The following SRGAP2 variants were observed in gnomAD, a reference collection of about 807,000 sequenced individuals.
SRGAP2 encodes the protein SLIT-ROBO Rho GTPase activating protein 2.
A neutral mutation model predicts 57.2 loss-of-function variants in SRGAP2; 15 were observed. That is an observed-to-expected ratio of 0.26 (90% CI 0.18 to 0.40). The LOEUF (loss-of-function observed/expected upper bound fraction) is 0.40, where lower values mean the gene tolerates loss of function less well. SRGAP2 is among the 10% of genes least tolerant of loss of function. The probability of loss-of-function intolerance (pLI) is 1.00; values close to 1 mark genes in which losing one functional copy is unlikely to be tolerated. For synonymous variants in SRGAP2, 249 were observed against 248.0 expected (o/e 1.00, Z -0.04); for missense variants, 520 against 669.6 (o/e 0.78, Z 2.47).
At chr1:206,277,879 T>C (rs1421553296) in intron 2 of SRGAP2, among the ~76,000 whole-genome samples, 7 of 151,992 alleles carry the variant, frequency 4.6e-5, no homozygotes, top group Admixed American at 4.6e-4. Context: ...CTTGGGAAGC[T>C]GAGGCATGAG....
chr1:206,457,521 T>C (rs570718059), intron 21 of SRGAP2, among the ~76,000 whole-genome samples: 5 of 152,316 alleles, frequency 3.3e-5, no homozygotes, highest in Admixed American at 2.6e-4. Context: ...GGGGTTCATT[T>C]CAGCAGGGCC....
intron 3 of SRGAP2, among the ~76,000 whole-genome samples, chr1:206,320,646 A>G (rs1401328801): frequency 6.6e-6 from 1 of 150,822 alleles, no homozygotes; most frequent in Non-Finnish European, 1.5e-5. Flanking sequence ...GATGGGAGAA[A>G]TGATTTCATT....
At chr1:206,429,004 A>T (rs1222324855) in intron 13 of SRGAP2, among the ~76,000 whole-genome samples, 1 of 152,202 alleles carries the variant, frequency 6.6e-6, no homozygotes, top group African/African-American at 2.4e-5. Context: ...TAGGATTGTT[A>T]CCAGCACTAG....
chr1:206,446,352 A>C, intron 18 of SRGAP2, 53 bp downstream of exon 18: 1 of 771,664 alleles, frequency 1.3e-6, no homozygotes, highest in Admixed American at 1.7e-5. Context: ...ACACACTGGC[A>C]TGGGAGCCAG....
At chr1:206,389,213 T>G (rs1286464356) in intron 5 of SRGAP2, among the ~76,000 whole-genome samples, 1 of 132,812 alleles carries the variant, frequency 7.5e-6, no homozygotes, top group Admixed American at 7.7e-5. Flanking sequence ...CTTGCTCTGT[T>G]GCCCAGGCTG....
At chr1:206,239,059 A>G (rs1293693977) in intron 2 of SRGAP2, among the ~76,000 whole-genome samples, 1 of 152,052 alleles carries the variant, frequency 6.6e-6, no homozygotes, top group Non-Finnish European at 1.5e-5. Context: ...TGAATTTAAG[A>G]GAAGGCTATG....
intron 13 of SRGAP2, among the ~76,000 whole-genome samples, chr1:206,429,204 G>T (rs1553367418): frequency 6.6e-6 from 1 of 152,190 alleles, no homozygotes. Context: ...CAAAACAACA[G>T]AGCAAAGATT....
chr1:206,438,950 C>T (rs1195313731), intron 16 of SRGAP2, among the ~76,000 whole-genome samples: 1 of 152,128 alleles, frequency 6.6e-6, no homozygotes, highest in Non-Finnish European at 1.5e-5. Context: ...GAAGCTGGCT[C>T]TCTGGTTTGT....
At chr1:206,205,257 G>A (rs1482475323) in intron 1 of SRGAP2, 172 bp from the exon 2 acceptor site, 10 of 148,450 alleles carry the variant, frequency 6.7e-5, no homozygotes, top group Non-Finnish European at 1.3e-4. Flanking sequence ...AAATCCGGAG[G>A]GAGCTTCCTT....
rs192038466 is a variant in SRGAP2, at chr1:206,245,070, G to T, written c.67+39033G>T. 3.7e-3 allele frequency among the ~76,000 whole-genome samples: 503 copies of T among 136,002 alleles called. 16 individuals are homozygous for T. Among genetic ancestry groups the T allele is most frequent in the African/African-American group, 0.013 (478 of 36,904 alleles). The allele number at this position is 136,002 out of a possible 152,430, so 89.2% of individuals were successfully genotyped here. On this transcript the variant is annotated intron_variant, in intron 2 of 22. Transcript: ENST00000573034. The stretch of plus-strand genomic sequence containing the variant: ...CCTTAGATGAGATACATGGCAGTTA[G>T]CTATCTTCACCTGATGGGGAGGAAT...
intron 2 of SRGAP2, among the ~76,000 whole-genome samples, chr1:206,266,245 CT>C (rs1212555147): frequency 1.9e-4 from 27 of 141,990 alleles, no homozygotes; most frequent in Admixed American, 2.8e-4. Context: ...CTCTATGTTT[CT>C]TTTTTTTTTT....
intron 2 of SRGAP2, among the ~76,000 whole-genome samples, chr1:206,214,297 CA>C (rs1232357315): frequency 6.6e-6 from 1 of 152,066 alleles, no homozygotes; most frequent in Non-Finnish European, 1.5e-5. Flanking sequence ...ACTTACTAAG[CA>C]TTATGCTAAA....
intron 2 of SRGAP2, among the ~76,000 whole-genome samples, chr1:206,269,049 T>C (rs1162183258): frequency 1.4e-5 from 2 of 146,738 alleles, no homozygotes; most frequent in Non-Finnish European, 3.0e-5. Context: ...GCAGTGTTAA[T>C]TATAAGACCC....
At position 206,419,345 on chromosome 1, in the gene SRGAP2, A is replaced by G. The variant is rs1553363427; in HGVS notation, c.1442-28A>G. On this transcript the variant is annotated intron_variant, in intron 11 of 22. Transcript: ENST00000573034. ...CCTTCACCTCTTCTCCTTTAACATAATGCTTTTTGCCTTTGTGTTTCCAAC... is the reference window on the plus strand; with the variant it reads ...CCTTCACCTCTTCTCCTTTAACATAGTGCTTTTTGCCTTTGTGTTTCCAAC... 3 of 780,456 alleles carry G rather than the reference A, an allele frequency of 3.8e-6. No homozygotes were observed. The African/African-American group carries it at 5.1e-5, about 13-fold the overall frequency. The allele number at this position is 780,456 out of a possible 1,614,324, so 48.3% of individuals were successfully genotyped here. A position where few individuals can be genotyped will look rare whatever the true frequency, so the allele number is the denominator to read the frequency against.
intron 2 of SRGAP2, among the ~76,000 whole-genome samples, chr1:206,236,217 G>T (rs1331466331): frequency 6.8e-6 from 1 of 147,334 alleles, no homozygotes. Context: ...ACTGCATCTC[G>T]ATGGCAGAAC....
chr1:206,430,282 T>C (rs374376283), intron 14 of SRGAP2, 60 bp downstream of exon 14: 3 of 778,210 alleles, frequency 3.9e-6, no homozygotes, highest in Non-Finnish European at 7.2e-6. Context: ...CTTCCAGGAA[T>C]TCTTTGTAGA....
In SRGAP2 at chr1:206,459,937, C is replaced by T. The variant is rs192097687; in HGVS notation, c.2832+990C>T. The stretch of plus-strand genomic sequence containing the variant: ...TTGCGCTACGGGAATCCTCCCAGCT[C>T]CCTCCTTGGCCAGGTGTTAATAGGA... On this transcript the variant is annotated intron_variant, in intron 22 of 22. Coordinates refer to ENST00000573034, the MANE Select transcript of SRGAP2 (RefSeq NM_015326.5). Among the ~76,000 whole-genome samples, 398 of 152,290 alleles carry T rather than the reference C, an allele frequency of 2.6e-3. 5 individuals carry two copies. Among genetic ancestry groups the T allele is most frequent in the Non-Finnish European group, 3.0e-3 (207 of 68,024 alleles).
chr1:206,423,170 G>A (rs1175350355), intron 13 of SRGAP2, among the ~76,000 whole-genome samples: 9 of 152,180 alleles, frequency 5.9e-5, no homozygotes, highest in Admixed American at 1.3e-4. Context: ...CAGTCTCACT[G>A]CTGCTTCCAG....
chr1:206,460,144 C>T (rs540462019), intron 22 of SRGAP2, among the ~76,000 whole-genome samples: 3 of 152,300 alleles, frequency 2.0e-5, no homozygotes, highest in East Asian at 1.9e-4. Flanking sequence ...CAAAGGCCTT[C>T]GCTTGGAATG....
Sources: allele counts gnomAD v4.1 joint callset (sites outside exome capture counted in the v4.1 genomes callset), GRCh38; gene constraint gnomAD v4.1.1; transcripts MANE v1.5; gene names NCBI Gene and HGNC (gene_info 2026-07-23, HGNC 2026-07-21).